C8B: variants seen among roughly 807,000 people sequenced by gnomAD.
The protein encoded by C8B is complement component C8 beta chain.
Under a neutral mutation model 64.6 loss-of-function variants are expected in C8B, and 67 were observed. That is an observed-to-expected ratio of 1.04 (90% confidence interval 0.85 to 1.27). The LOEUF (loss-of-function observed/expected upper bound fraction) is 1.27, where lower values mean the gene tolerates loss of function less well. Ranked by LOEUF, C8B falls within the 50% of genes most tolerant of loss-of-function variation. C8B has a pLI of 0.00. For synonymous variants in C8B, 284 were observed against 257.7 expected (o/e 1.10, Z -0.98); for missense variants, 790 against 725.2 (o/e 1.09, Z -1.03).
intron 2 of C8B, among the ~76,000 whole-genome samples, 173 bp from the exon 3 acceptor site, chr1:56,957,083 A>G (rs1355658769): frequency 1.3e-5 from 2 of 151,840 alleles, no homozygotes; most frequent in Non-Finnish European, 1.5e-5. Context: ...ATACTTAAGG[A>G]GCTATGTTGT....
In C8B at chr1:56,933,379, C is replaced by T; in HGVS notation, c.1508G>A (p.Cys503Tyr). 5 of 1,613,730 alleles carry T rather than the reference C, an allele frequency of 3.1e-6. No homozygotes were observed. The highest frequency in any genetic ancestry group is 4.2e-6 in the Non-Finnish European group (5 of 1,179,656). ...ATTTCCTTGGCAGGGAGCACAGTGG[C>T]AGGAACTAACTTCCTTCTGGAACTC... The part of the protein sequence containing the change: ...LEEFQKEVSS[C>Y]HCAPCQGNGV... The change falls in exon 10 of 12, where the codon TGC becomes TAC. Residue 503 changes from cysteine to tyrosine, a missense_variant. Cys to Tyr is a radical substitution (Grantham distance 194). Coordinates refer to ENST00000371237, the MANE Select transcript of C8B (RefSeq NM_000066.4).
intron 6 of C8B, among the ~76,000 whole-genome samples, chr1:56,949,243 T>C (rs920722437): frequency 6.6e-6 from 1 of 152,166 alleles, no homozygotes; most frequent in African/African-American, 2.4e-5. Context: ...CATGAATAGA[T>C]TAATGCTGTT....
At chr1:56,937,592 G>A (rs1379166233) in intron 9 of C8B, among the ~76,000 whole-genome samples, 1 of 152,074 alleles carries the variant, frequency 6.6e-6, no homozygotes. Context: ...AAATGTACAT[G>A]GATGACAGAC....
At chr1:56,959,905 C>T in intron 2 of C8B, 115 bp downstream of exon 2, 1 of 1,154,078 alleles carries the variant, frequency 8.7e-7, no homozygotes, top group Non-Finnish European at 1.3e-6. Context: ...ATTAAGTTAG[C>T]CGACATTTAT....
At chr1:56,957,489 C>T (rs904792863) in intron 2 of C8B, among the ~76,000 whole-genome samples, 15 of 152,092 alleles carry the variant, frequency 9.9e-5, no homozygotes, top group African/African-American at 2.4e-4. Flanking sequence ...ATAGGGATCA[C>T]GAATTATCTA....
intron 6 of C8B, among the ~76,000 whole-genome samples, chr1:56,947,733 C>A (rs150039755): frequency 6.6e-6 from 1 of 152,098 alleles, no homozygotes; most frequent in Admixed American, 6.6e-5. Context: ...AGATCAAGAT[C>A]ATCCTGGTTA....
intron 7 of C8B, among the ~76,000 whole-genome samples, chr1:56,944,201 T>G (rs1169661515): frequency 6.6e-6 from 1 of 151,010 alleles, no homozygotes; most frequent in Non-Finnish European, 1.5e-5. Context: ...TTCTCCAATC[T>G]TTGATAAAGT....
At chr1:56,964,962 T>C (rs1645231746) in intron 1 of C8B, among the ~76,000 whole-genome samples, 1 of 152,178 alleles carries the variant, frequency 6.6e-6, no homozygotes, top group African/African-American at 2.4e-5. Flanking sequence ...ACTTATTGAG[T>C]GGCCAATAGA....
At chr1:56,948,294 G>T (rs1461953347) in intron 6 of C8B, among the ~76,000 whole-genome samples, 9 of 152,204 alleles carry the variant, frequency 5.9e-5, no homozygotes, top group African/African-American at 2.2e-4. Flanking sequence ...GAAAGAACAT[G>T]GATTAAGAGG....
At chr1:56,956,664 C>A in intron 3 of C8B, 105 bp downstream of exon 3, 3 of 1,263,204 alleles carry the variant, frequency 2.4e-6, no homozygotes, top group East Asian at 2.3e-5. Flanking sequence ...TCCTGAGCTG[C>A]CCCATGACCC....
intron 6 of C8B, among the ~76,000 whole-genome samples, chr1:56,947,745 C>T (rs1260768168): frequency 6.6e-6 from 1 of 151,972 alleles, no homozygotes; most frequent in Non-Finnish European, 1.5e-5. Context: ...TCCTGGTTAA[C>T]ATGGTGAAAC....
At position 56,933,371 on chromosome 1, in the gene C8B, C is replaced by A; in HGVS notation, c.1516G>T (p.Ala506Ser). Residue 506 changes from alanine (A) to serine (S), a missense_variant, in exon 10 of 12, where the codon GCT becomes TCT. Physicochemically the swap from Ala to Ser is moderately conservative, Grantham distance 99. Transcript: ENST00000371237. Reference protein sequence around the residue: ...FQKEVSSCHCAPCQGNGVPVL... With the variant: ...FQKEVSSCHCSPCQGNGVPVL... Reference sequence around the variant, plus strand: ...GGGACTCCATTTCCTTGGCAGGGAGCACAGTGGCAGGAACTAACTTCCTTC... The same window carrying A: ...GGGACTCCATTTCCTTGGCAGGGAGAACAGTGGCAGGAACTAACTTCCTTC... 1 of 1,613,748 alleles carries A rather than the reference C, an allele frequency of 6.2e-7. No individual in the cohort carries two copies. Among genetic ancestry groups the A allele is most frequent in the Non-Finnish European group, 8.5e-7 (1 of 1,179,672 alleles).
At chr1:56,963,365 A>C (rs1645205390) in intron 1 of C8B, among the ~76,000 whole-genome samples, 1 of 152,082 alleles carries the variant, frequency 6.6e-6, no homozygotes, top group Non-Finnish European at 1.5e-5. Flanking sequence ...TGTCACACAC[A>C]ATTTGTTAAG....
Position 56,952,173 on chromosome 1 carries a change from A to G in C8B, c.541T>C (p.Leu181=). 1.9e-6 allele frequency: 3 copies of G among 1,614,188 alleles called. No homozygotes were observed. Among genetic ancestry groups the G allele is most frequent in the African/African-American group, 1.3e-5 (1 of 75,052 alleles). ...GIGSLASGIN[L]FTNSFEGPVL... Reference sequence around the variant, plus strand: ...GGGCCCTCAAAACTGTTTGTGAACAAATTTATCCTGTGAGGAAGAGACAGA... The same window carrying G: ...GGGCCCTCAAAACTGTTTGTGAACAGATTTATCCTGTGAGGAAGAGACAGA... Residue 181 remains leucine, a synonymous_variant, in exon 5 of 12, where the codon TTG becomes CTG. Coordinates refer to ENST00000371237, the MANE Select transcript of C8B (RefSeq NM_000066.4).
At chr1:56,941,451 AAGAT>A (rs893016756) in intron 8 of C8B, among the ~76,000 whole-genome samples, 6 of 152,022 alleles carry the variant, frequency 3.9e-5, no homozygotes, top group Admixed American at 1.3e-4. Context: ...GATTGATAGA[AAGAT>A]AGACAGACAG....
intron 6 of C8B, among the ~76,000 whole-genome samples, 159 bp from the exon 7 acceptor site, chr1:56,946,220 T>C (rs1387384398): frequency 6.6e-6 from 1 of 152,172 alleles, no homozygotes; most frequent in Non-Finnish European, 1.5e-5. Flanking sequence ...TTTGACAAGC[T>C]TTCAGTGCTC....
chr1:56,947,311 C>A (rs1644956156), intron 6 of C8B, among the ~76,000 whole-genome samples: 1 of 152,322 alleles, frequency 6.6e-6, no homozygotes, highest in Non-Finnish European at 1.5e-5. Context: ...AGCTTCTACA[C>A]TCCTGAAGTT....
intron 9 of C8B, among the ~76,000 whole-genome samples, chr1:56,934,373 G>A (rs145138602): frequency 2.0e-5 from 3 of 152,258 alleles, no homozygotes; most frequent in African/African-American, 7.2e-5. Context: ...AGCAGATGCT[G>A]CTCACTCAGT....
At chr1:56,951,233 A>G (rs1305186937) in intron 5 of C8B, among the ~76,000 whole-genome samples, 28 of 152,074 alleles carry the variant, frequency 1.8e-4, no homozygotes, top group Non-Finnish European at 1.0e-4. Context: ...ACGCACCACC[A>G]CACCCGGCTA....
Sources: gnomAD v4.1 joint callset for allele counts (sites outside exome capture counted in the v4.1 genomes callset) on GRCh38, gnomAD v4.1.1 for gene constraint, MANE v1.5 for transcripts, NCBI Gene and HGNC (gene_info 2026-07-23, HGNC 2026-07-21) for gene names.